Variants in TENM3 observed in about 807,000 individuals in gnomAD.
TENM3 encodes the protein teneurin transmembrane protein 3.
Under a neutral mutation model 255.1 loss-of-function variants are expected in TENM3, and 63 were observed. That is an observed-to-expected ratio of 0.25 (90% confidence interval 0.20 to 0.30). The LOEUF (loss-of-function observed/expected upper bound fraction) is 0.30. Among genes scored for constraint, TENM3 ranks in the 10% least tolerant of loss-of-function variants. The pLI is 1.00. For synonymous variants in TENM3, 1,306 were observed against 1,322.3 expected (o/e 0.99, Z 0.27); for missense variants, 2,929 against 3,461.1 (o/e 0.85, Z 3.86).
At chr4:181,868,723 C>T in the TENM3 span, among the ~76,000 whole-genome samples, 2 of 152,112 alleles carry the variant, frequency 1.3e-5, no homozygotes, top group African/African-American at 4.8e-5. Context: ...TGCATGGTTT[C>T]TCAAAGCAAC....
chr4:181,888,376 AC>A, the TENM3 span, among the ~76,000 whole-genome samples: 1 of 150,298 alleles, frequency 6.7e-6, no homozygotes, highest in Non-Finnish European at 1.5e-5. Flanking sequence ...ACCCAGATAA[AC>A]CCTAGGCTTG....
At chr4:181,571,674 T>C in the TENM3 span, among the ~76,000 whole-genome samples, 1 of 152,202 alleles carries the variant, frequency 6.6e-6, no homozygotes, top group African/African-American at 2.4e-5. Flanking sequence ...TTTTTTGTTA[T>C]TGATCATGAG....
intron 3 of TENM3, among the ~76,000 whole-genome samples, chr4:182,583,487 C>G (rs1422239528): frequency 1.3e-5 from 2 of 151,780 alleles, no homozygotes; most frequent in Non-Finnish European, 2.9e-5. Context: ...ATGAAAGGAA[C>G]CAAGACTAGA....
chr4:182,149,486 T>G (rs1750188290), intron 1 of TENM3, among the ~76,000 whole-genome samples: 1 of 152,056 alleles, frequency 6.6e-6, no homozygotes, highest in Non-Finnish European at 1.5e-5. Context: ...TTTAAATTAG[T>G]CACTGCAAAT....
chr4:181,882,804 G>A, the TENM3 span, among the ~76,000 whole-genome samples: 22 of 152,298 alleles, frequency 1.4e-4, no homozygotes, highest in Middle Eastern at 3.4e-3. Context: ...AATGGATTGA[G>A]TTTTGAACAT....
the TENM3 span, among the ~76,000 whole-genome samples, chr4:181,728,266 A>G: frequency 1.3e-5 from 2 of 152,200 alleles, no homozygotes; most frequent in Non-Finnish European, 2.9e-5. Flanking sequence ...CCAGACCCAA[A>G]AAGAGGGTTC....
intron 1 of TENM3, among the ~76,000 whole-genome samples, chr4:182,264,317 C>T (rs1201433640): frequency 2.0e-5 from 3 of 152,206 alleles, no homozygotes; most frequent in Non-Finnish European, 4.4e-5. Context: ...GCAAACTTGG[C>T]TGCAGGTCCG....
At chr4:182,380,102 C>G (rs879886192) in intron 3 of TENM3, among the ~76,000 whole-genome samples, 14 of 152,012 alleles carry the variant, frequency 9.2e-5, no homozygotes, top group Admixed American at 8.5e-4. Flanking sequence ...AACCCTGTCT[C>G]TACTAAAAAT....
At chr4:182,668,965 A>G (rs1293188830) in intron 6 of TENM3, among the ~76,000 whole-genome samples, 3 of 152,236 alleles carry the variant, frequency 2.0e-5, no homozygotes, top group African/African-American at 7.2e-5. Context: ...AATAGCAGCA[A>G]TAGGGTCAAC....
At chr4:182,134,864 G>A in the TENM3 span, among the ~76,000 whole-genome samples, 1 of 151,928 alleles carries the variant, frequency 6.6e-6, no homozygotes, top group African/African-American at 2.4e-5. Context: ...TCTCAGAAAT[G>A]CATCACGCCA....
the TENM3 span, among the ~76,000 whole-genome samples, chr4:182,134,520 A>G: frequency 1.3e-5 from 2 of 152,134 alleles, no homozygotes; most frequent in Non-Finnish European, 2.9e-5. Context: ...CTCCTCCTAG[A>G]TATCTTATCC....
At chr4:181,975,854 A>C in the TENM3 span, 4 of 152,192 alleles carry the variant, frequency 2.6e-5, no homozygotes, top group Admixed American at 2.0e-4. Flanking sequence ...AGTACCACAA[A>C]CTGGGTGGCC....
rs116243244 is a variant in TENM3, at chr4:182,676,814, A to G, written c.1327-2852A>G. Among the ~76,000 whole-genome samples the G allele has an allele frequency of 8.9e-4, 136 of 152,354 alleles. 1 individual carries two copies. The highest frequency in any genetic ancestry group is 3.1e-3 in the African/African-American group (129 of 41,594). On this transcript the variant is annotated intron_variant, in intron 7 of 27. Coordinates refer to ENST00000511685, the MANE Select transcript of TENM3 (RefSeq NM_001080477.4). ...ATTTTTAAAGCGTGTATATTTGGTAATATTAAATCGTAAGAAAATGACCTT... is the reference window on the plus strand; with the variant it reads ...ATTTTTAAAGCGTGTATATTTGGTAGTATTAAATCGTAAGAAAATGACCTT...
the TENM3 span, among the ~76,000 whole-genome samples, chr4:181,910,630 A>ATGTGTGTGTG: frequency 1.1e-5 from 1 of 93,814 alleles, no homozygotes; most frequent in African/African-American, 3.7e-5. Flanking sequence ...GTGTGTGTGT[A>ATGTGTGTGTG]TGTGTGTGTG....
At chr4:181,689,422 T>C in the TENM3 span, among the ~76,000 whole-genome samples, 1 of 152,202 alleles carries the variant, frequency 6.6e-6, no homozygotes, top group African/African-American at 2.4e-5. Flanking sequence ...CAAGATGGTT[T>C]CCCTGCTGGT....
At chr4:181,838,658 G>T in the TENM3 span, among the ~76,000 whole-genome samples, 1 of 152,016 alleles carries the variant, frequency 6.6e-6, no homozygotes, top group Non-Finnish European at 1.5e-5. Context: ...TTAGGAATTT[G>T]TTCATTTCAT....
At chr4:182,024,920 A>C in the TENM3 span, among the ~76,000 whole-genome samples, 1 of 152,128 alleles carries the variant, frequency 6.6e-6, no homozygotes, top group South Asian at 2.1e-4. Flanking sequence ...CCACAAAAAA[A>C]AAGTGAGAAC....
At chr4:182,022,354 GGACACACAAATGGAAACAACA>G in the TENM3 span, among the ~76,000 whole-genome samples, 97 of 152,066 alleles carry the variant, frequency 6.4e-4, no homozygotes, top group Admixed American at 5.0e-3. Flanking sequence ...GGGTATACAT[GGACACACAAATGGAAACAACA>G]GACACTGGGC....
chr4:181,498,890 A>C, the TENM3 span, among the ~76,000 whole-genome samples: 1 of 152,208 alleles, frequency 6.6e-6, no homozygotes, highest in Non-Finnish European at 1.5e-5. Flanking sequence ...AATAACTTCT[A>C]TCTTTTTTCT....
Sources: allele counts gnomAD v4.1 joint callset (sites outside exome capture counted in the v4.1 genomes callset), GRCh38; gene constraint gnomAD v4.1.1; transcripts MANE v1.5; gene names NCBI Gene and HGNC (gene_info 2026-07-23, HGNC 2026-07-21).